KCNU1: variants seen among roughly 807,000 people sequenced by gnomAD.
KCNU1 encodes potassium channel subfamily U member 1.
A neutral mutation model predicts 126.8 loss-of-function variants in KCNU1; 93 were observed. That is an observed-to-expected ratio of 0.73 (90% confidence interval 0.62 to 0.87). KCNU1 has a LOEUF of 0.87. Among genes scored for constraint, KCNU1 ranks in the 40% least tolerant of loss-of-function variants. The pLI, the probability that KCNU1 is intolerant of heterozygous loss-of-function variation, is 0.00. For missense variants in KCNU1, 1,330 were observed against 1,367.1 expected (o/e 0.97, Z 0.43); for synonymous variants, 523 against 494.2 (o/e 1.06, Z -0.77).
At chr8:36,867,307 T>C (rs10503995) in intron 19 of KCNU1, among the ~76,000 whole-genome samples, 21,559 of 151,952 alleles carry the variant, frequency 0.14, 1,970 homozygotes, top group East Asian at 0.36. Flanking sequence ...TCAACTTCTG[T>C]GAATAGTGTA....
intron 19 of KCNU1, among the ~76,000 whole-genome samples, chr8:36,871,366 T>C (rs954128045): frequency 1.3e-5 from 2 of 151,554 alleles, no homozygotes; most frequent in Non-Finnish European, 2.9e-5. Context: ...TGGGAAGCAA[T>C]GTGCCACAAT....
At chr8:36,791,659 G>A (rs1004765484) in intron 2 of KCNU1, among the ~76,000 whole-genome samples, 2 of 151,954 alleles carry the variant, frequency 1.3e-5, no homozygotes, top group Non-Finnish European at 2.9e-5. Context: ...TAATTCATTT[G>A]GAAATGGGAA....
At chr8:36,915,825 C>T (rs182445638) in intron 22 of KCNU1, among the ~76,000 whole-genome samples, 336 of 152,206 alleles carry the variant, frequency 2.2e-3, no homozygotes, top group African/African-American at 7.8e-3. Flanking sequence ...TCAAACTCAT[C>T]AATATCTGAA....
At chr8:36,856,397 G>C (rs1805529580) in intron 18 of KCNU1, among the ~76,000 whole-genome samples, 1 of 152,146 alleles carries the variant, frequency 6.6e-6, no homozygotes, top group Non-Finnish European at 1.5e-5. Flanking sequence ...GGATATTGTA[G>C]ATAATTATAG....
intron 20 of KCNU1, among the ~76,000 whole-genome samples, chr8:36,906,248 T>G (rs1347970855): frequency 6.6e-6 from 1 of 151,836 alleles, no homozygotes. Flanking sequence ...GATTTTTCTG[T>G]AGTGGTTTTT....
chr8:36,811,321 T>A (rs1803701800), intron 7 of KCNU1, among the ~76,000 whole-genome samples: 1 of 152,040 alleles, frequency 6.6e-6, no homozygotes, highest in African/African-American at 2.4e-5. Flanking sequence ...TTAATTCTAA[T>A]CATATATTGG....
intron 19 of KCNU1, among the ~76,000 whole-genome samples, chr8:36,894,862 T>A (rs961411019): frequency 6.6e-6 from 1 of 152,130 alleles, no homozygotes; most frequent in Admixed American, 6.6e-5. Context: ...GTAAAATGCA[T>A]AAAGACTATA....
At chr8:36,805,617 T>C (rs1803470551) in intron 4 of KCNU1, among the ~76,000 whole-genome samples, 1 of 152,182 alleles carries the variant, frequency 6.6e-6, no homozygotes, top group Non-Finnish European at 1.5e-5. Flanking sequence ...GGAGATGTCC[T>C]TAGCTCCACT....
intron 11 of KCNU1, among the ~76,000 whole-genome samples, chr8:36,834,517 A>G (rs1804675246): frequency 6.6e-6 from 1 of 152,220 alleles, no homozygotes; most frequent in African/African-American, 2.4e-5. Flanking sequence ...TAGGAAAAAT[A>G]TAACGCCTTA....
chr8:36,832,262 T>G (rs1585429808), intron 10 of KCNU1, among the ~76,000 whole-genome samples: 2 of 152,332 alleles, frequency 1.3e-5, no homozygotes, highest in Non-Finnish European at 2.9e-5. Flanking sequence ...TGGTTCCATA[T>G]GAACTTTAAA....
chr8:36,815,509 C>T (rs1396359880), intron 8 of KCNU1, 87 bp from the exon 9 acceptor site: 2 of 619,226 alleles, frequency 3.2e-6, no homozygotes, highest in Admixed American at 3.5e-5. Flanking sequence ...GTTTTATGTA[C>T]CCTCCTTTTC....
At chr8:36,920,086 T>C (rs1808284258) in intron 23 of KCNU1, among the ~76,000 whole-genome samples, 1 of 152,144 alleles carries the variant, frequency 6.6e-6, no homozygotes, top group African/African-American at 2.4e-5. Flanking sequence ...CTGCAGTTTT[T>C]AATTATATTT....
At chr8:36,908,578 G>GC (rs1463634610) in intron 20 of KCNU1, among the ~76,000 whole-genome samples, 2 of 134,916 alleles carry the variant, frequency 1.5e-5, no homozygotes, top group Non-Finnish European at 3.0e-5. Context: ...GAAAACTATC[G>GC]CAAGGACAGA....
rs1184565967 is a variant in KCNU1 at position 36,784,414 on chromosome 8, T to C, written c.4T>C (p.Phe2Leu). 6.2e-7 allele frequency: 1 copy of C among 1,611,234 alleles called. No individual in the cohort carries two copies. The highest frequency in any genetic ancestry group is 8.5e-7 in the Non-Finnish European group (1 of 1,178,666). MFQTKLRNETWE... is the reference protein window; with the variant it reads MLQTKLRNETWE... ...TCCGTCTACTGATGTCTCGAACATGTTTCAGACTAAGCTACGAAATGAAAC... is the reference window on the plus strand; with the variant it reads ...TCCGTCTACTGATGTCTCGAACATGCTTCAGACTAAGCTACGAAATGAAAC... Residue 2 changes from phenylalanine to leucine, a missense_variant, in exon 1 of 27, where the codon TTT becomes CTT. By Grantham distance (22) the Phe-to-Leu change is conservative (BLOSUM62 0). Transcript: ENST00000399881.
chr8:36,835,508 AT>A (rs1174148616), intron 12 of KCNU1, among the ~76,000 whole-genome samples: 1 of 151,952 alleles, frequency 6.6e-6, no homozygotes, highest in East Asian at 1.9e-4. Flanking sequence ...CGCCAGACTA[AT>A]TTTTTATTTT....
intron 18 of KCNU1, among the ~76,000 whole-genome samples, chr8:36,846,524 T>C (rs6468382): frequency 0.96 from 145,974 of 152,254 alleles, 70,068 homozygotes; most frequent in East Asian, 1. Flanking sequence ...TTAGCCTCAG[T>C]CGGGCACGGT....
chr8:36,908,952 TG>T (rs1807749250), intron 20 of KCNU1, among the ~76,000 whole-genome samples: 1 of 152,170 alleles, frequency 6.6e-6, no homozygotes, highest in Non-Finnish European at 1.5e-5. Flanking sequence ...AATTTTACTA[TG>T]GCACATACAA....
intron 10 of KCNU1, among the ~76,000 whole-genome samples, chr8:36,825,816 G>A (rs1218680928): frequency 6.6e-6 from 1 of 151,698 alleles, no homozygotes; most frequent in East Asian, 1.9e-4. Context: ...CAGATACAGA[G>A]TTACAAGCTG....
At chr8:36,836,241 A>G (rs1804741480) in intron 12 of KCNU1, 55 bp from the exon 13 acceptor site, 1 of 1,103,350 alleles carries the variant, frequency 9.1e-7, no homozygotes, top group African/African-American at 1.6e-5. Flanking sequence ...AAATTATATT[A>G]CAAAGCCCTT....
Sources: gnomAD v4.1 joint callset for allele counts (sites outside exome capture counted in the v4.1 genomes callset) on GRCh38, gnomAD v4.1.1 for gene constraint, MANE v1.5 for transcripts, NCBI Gene and HGNC (gene_info 2026-07-23, HGNC 2026-07-21) for gene names.